CCDC160: variants seen among roughly 807,000 people sequenced by gnomAD.
The protein encoded by CCDC160 is coiled-coil domain containing 160, also known as coiled-coil domain-containing protein 160.
For missense variants in CCDC160, 227 were observed against 215.6 expected, an observed-to-expected ratio of 1.05 and a Z score of -0.33; for synonymous variants, 94 against 79.4, an observed-to-expected ratio of 1.18 and a Z score of -0.98.
chrX:134,237,772 C>T (rs1443037617), intron 1 of CCDC160, among the ~76,000 whole-genome samples: 1 of 112,196 alleles, frequency 8.9e-6, no homozygotes. Flanking sequence ...AAGAATGTGA[C>T]TCTCATACTA....
intron 1 of CCDC160, among the ~76,000 whole-genome samples, chrX:134,239,151 A>G (rs1307095886): frequency 2.7e-5 from 3 of 112,407 alleles, no homozygotes; most frequent in Non-Finnish European, 5.6e-5. Flanking sequence ...TTCAGGAAGA[A>G]TATTAAGGAT....
chrX:134,245,827 T>C (rs1467099936), downstream of CCDC160: 1 of 904,799 alleles, frequency 1.1e-6, no homozygotes, highest in African/African-American at 2.1e-5. Flanking sequence ...CAAATCAGTG[T>C]TTATTGTATT....
rs200917250 is a variant in CCDC160 at position 134,245,636 on chromosome X, G to A, written c.836G>A (p.Ser279Asn). 253 of 1,208,226 alleles carry A rather than the reference G, an allele frequency of 2.1e-4. No individual in the cohort carries two copies. The highest frequency in any genetic ancestry group is 5.0e-4 in the Admixed American group (23 of 45,610). The change falls in exon 2 of 2, where the codon AGT becomes AAT. Residue 279 changes from serine (S) to asparagine (N), a missense_variant. Ser to Asn is a conservative substitution (Grantham distance 46, BLOSUM62 1). Coordinates refer to ENST00000370809, the Ensembl canonical transcript of CCDC160. ...ATGGCAAAGATCCGCGGAGAGCTCA[G>A]TGTCATCAAGAATGAACTGAGAACT...
At chrX:134,240,664 CTTTTTTTTTTTTTT>C (rs3045487) in intron 1 of CCDC160, among the ~76,000 whole-genome samples, 62 of 27,168 alleles carry the variant, frequency 2.3e-3, no homozygotes, top group African/African-American at 8.2e-3. Context: ...AAACCAAATT[CTTTTTTTTTTTTTT>C]TTTTTTTTTT....
In CCDC160 at chrX:134,241,209, T is replaced by G. The variant is rs1373659099; in HGVS notation, c.-24-3568T>G. Among the ~76,000 whole-genome samples, 3 of 112,050 alleles carry G rather than the reference T, an allele frequency of 2.7e-5. No individual in the cohort carries two copies. The East Asian group carries it at 8.3e-4, about 31-fold the overall frequency. On this transcript the variant is annotated intron_variant, in intron 1 of 1. Transcript: ENST00000370809. ...TTTTATGGAGCTATTTGAGAATAGA[T>G]GTGCATTCCTCTAAGATTTTTATGG... is the stretch of plus-strand genomic sequence containing the variant.
chrX:134,243,367 C>T, intron 1 of CCDC160: 1 of 751,724 alleles, frequency 1.3e-6, no homozygotes, highest in Non-Finnish European at 1.6e-6. Context: ...TGGTGAGTCC[C>T]TTCCATCTTT....
At chrX:134,240,661 A>ATTT (rs1190097902) in intron 1 of CCDC160, among the ~76,000 whole-genome samples, 34 of 66,471 alleles carry the variant, frequency 5.1e-4, no homozygotes, top group Non-Finnish European at 6.0e-4. Context: ...TTGAAACCAA[A>ATTT]TTCTTTTTTT....
exon 2 of CCDC160, chrX:134,245,141 C>G: frequency 1.7e-6 from 2 of 1,195,621 alleles, no homozygotes; most frequent in Non-Finnish European, 2.3e-6. Flanking sequence ...TTTAACAGCA[C>G]AGAAGATAAC....
exon 2 of CCDC160, chrX:134,245,714 A>T (rs760963226): frequency 8.4e-7 from 1 of 1,188,105 alleles, no homozygotes; most frequent in Non-Finnish European, 1.1e-6. Context: ...CTTAGAAAAT[A>T]CTATGCTTCT....
downstream of CCDC160, among the ~76,000 whole-genome samples, chrX:134,246,684 T>A (rs997863847): frequency 2.7e-5 from 3 of 112,057 alleles, no homozygotes; most frequent in African/African-American, 9.7e-5. Flanking sequence ...ATTTTACACT[T>A]ATACATGGTA....
intron 1 of CCDC160, among the ~76,000 whole-genome samples, chrX:134,243,509 T>C (rs2124129164): frequency 8.9e-6 from 1 of 111,963 alleles, no homozygotes; most frequent in South Asian, 3.8e-4. Context: ...AAAGAGAAGA[T>C]AATACACCAA....
chrX:134,246,750 ATTTG>A (rs1378732977), downstream of CCDC160, among the ~76,000 whole-genome samples: 1 of 112,100 alleles, frequency 8.9e-6, no homozygotes, highest in African/African-American at 3.2e-5. Flanking sequence ...ACTCTTTACC[ATTTG>A]TTTGTATCAG....
At chrX:134,245,113 G>T in exon 2 of CCDC160, 1 of 1,190,908 alleles carries the variant, frequency 8.4e-7, no homozygotes, top group Non-Finnish European at 1.1e-6. Flanking sequence ...TAATGTGGAT[G>T]TTACAACAGA....
chrX:134,240,664 CTTTTTTTTTTTTTTTTTTTTT>C (rs3045487), intron 1 of CCDC160, among the ~76,000 whole-genome samples: 15 of 27,165 alleles, frequency 5.5e-4, no homozygotes, highest in Non-Finnish European at 8.9e-4. Flanking sequence ...AAACCAAATT[CTTTTTTTTTTTTTTTTTTTTT>C]TTTTTTTTTT....
intron 1 of CCDC160, among the ~76,000 whole-genome samples, chrX:134,242,173 G>T (rs964953580): frequency 2.7e-5 from 3 of 111,016 alleles, no homozygotes; most frequent in Non-Finnish European, 5.7e-5. Flanking sequence ...ATTCCAAAAG[G>T]CTTTTCAAAC....
chrX:134,246,838 C>T (rs1288449219), downstream of CCDC160, among the ~76,000 whole-genome samples: 1 of 111,992 alleles, frequency 8.9e-6, no homozygotes, highest in Non-Finnish European at 1.9e-5. Context: ...TGTAATTGCA[C>T]ACTATGAGGA....
chrX:134,240,702 G>T, intron 1 of CCDC160, among the ~76,000 whole-genome samples: 1 of 52,679 alleles, frequency 1.9e-5, no homozygotes. Flanking sequence ...TTTTTTTTAG[G>T]AGACAGAGTG....
chrX:134,242,001 T>C (rs1053118977), intron 1 of CCDC160, among the ~76,000 whole-genome samples: 1 of 111,114 alleles, frequency 9.0e-6, no homozygotes, highest in Non-Finnish European at 1.9e-5. Context: ...GAAGAGAAAA[T>C]GAGACTGGCA....
At chrX:134,241,692 A>G (rs929083439) in intron 1 of CCDC160, among the ~76,000 whole-genome samples, 2 of 111,912 alleles carry the variant, frequency 1.8e-5, no homozygotes, top group African/African-American at 3.3e-5. Context: ...TTTCATCCCC[A>G]TTGGGCCTCC....
Sources: allele counts gnomAD v4.1 joint callset (sites outside exome capture counted in the v4.1 genomes callset), GRCh38; gene constraint gnomAD v4.1.1; transcripts MANE v1.5; gene names NCBI Gene and HGNC (gene_info 2026-07-23, HGNC 2026-07-21).